CFAP44: variants seen among roughly 807,000 people sequenced by gnomAD.
The protein encoded by CFAP44 is cilia- and flagella-associated protein 44.
Under a neutral mutation model 216.2 loss-of-function variants are expected in CFAP44, and 134 were observed. That is an observed-to-expected ratio of 0.62 (90% CI 0.54 to 0.72). The LOEUF (loss-of-function observed/expected upper bound fraction) is 0.72, where lower values mean the gene tolerates loss of function less well. Ranked by LOEUF, CFAP44 falls within the 30% of genes least tolerant of loss-of-function variation. The pLI, the probability that CFAP44 is intolerant of heterozygous loss-of-function variation, is 0.00. For missense variants in CFAP44, 2,035 were observed against 2,182.1 expected (o/e 0.93, Z 1.34); for synonymous variants, 700 against 727.6 (o/e 0.96, Z 0.61).
intron 8 of CFAP44, among the ~76,000 whole-genome samples, chr3:113,405,595 C>A (rs1934255167): frequency 6.6e-6 from 1 of 152,212 alleles, no homozygotes; most frequent in Non-Finnish European, 1.5e-5. Context: ...AGTCATACTT[C>A]TCCACTGAAA....
At chr3:113,316,036 A>G (rs1349467540) in intron 28 of CFAP44, among the ~76,000 whole-genome samples, 1 of 152,250 alleles carries the variant, frequency 6.6e-6, no homozygotes, top group Non-Finnish European at 1.5e-5. Flanking sequence ...AAGATAGATC[A>G]TATGTTAGAC....
At chr3:113,427,972 T>C (rs147658672) in intron 2 of CFAP44, among the ~76,000 whole-genome samples, 142 of 152,256 alleles carry the variant, frequency 9.3e-4, no homozygotes, top group Non-Finnish European at 1.6e-3. Flanking sequence ...AGCTACATAG[T>C]AGATCTGAGA....
intron 4 of CFAP44, among the ~76,000 whole-genome samples, chr3:113,420,603 T>C (rs553899408): frequency 2.6e-5 from 4 of 152,330 alleles, no homozygotes; most frequent in Non-Finnish European, 5.9e-5. Context: ...CTGTATAACA[T>C]GGGAGAAAGT....
chr3:113,347,233 G>A lies in CFAP44; in HGVS notation c.3066-2521C>T, dbSNP rs942049177. 3.3e-5 allele frequency among the ~76,000 whole-genome samples: 5 copies of A among 152,208 alleles called. No homozygotes were observed. The South Asian group carries it at 6.2e-4, about 19-fold the overall frequency. ...AACCCCCGACTCTGGAGTTGGGAGC[G>A]TTGGTTTGCCTGGAAACAGCTTCCG... On this transcript the variant is annotated intron_variant, in intron 22 of 34. Transcript: ENST00000393845.
intron 14 of CFAP44, among the ~76,000 whole-genome samples, chr3:113,396,248 A>T (rs541783280): frequency 8.5e-5 from 13 of 152,250 alleles, no homozygotes; most frequent in Non-Finnish European, 1.3e-4. Context: ...CATGGTCCCC[A>T]GTTGAAATTT....
At chr3:113,404,513 C>T (rs1559937613) in intron 8 of CFAP44, among the ~76,000 whole-genome samples, 1 of 152,280 alleles carries the variant, frequency 6.6e-6, no homozygotes, top group East Asian at 1.9e-4. Context: ...CAAGTGCATG[C>T]CACCAAACAT....
chr3:113,406,399 C>T (rs9869119), intron 8 of CFAP44, among the ~76,000 whole-genome samples: 26,324 of 152,016 alleles, frequency 0.17, 2,393 homozygotes, highest in African/African-American at 0.22. Flanking sequence ...CCGAGGTGGG[C>T]GGATCACGAG....
intron 2 of CFAP44, among the ~76,000 whole-genome samples, chr3:113,430,445 A>AC (rs71299330): frequency 2.0e-5 from 3 of 147,682 alleles, no homozygotes; most frequent in Non-Finnish European, 4.5e-5. Context: ...AAAAAAAAAA[A>AC]CAAAGTAAAT....
intron 15 of CFAP44, among the ~76,000 whole-genome samples, chr3:113,395,142 A>C (rs969415045): frequency 1.3e-5 from 2 of 152,216 alleles, no homozygotes; most frequent in Non-Finnish European, 2.9e-5. Context: ...ATTCATCAGT[A>C]TTATCATCTT....
intron 33 of CFAP44, among the ~76,000 whole-genome samples, chr3:113,296,436 G>A (rs1949881659): frequency 6.6e-6 from 1 of 152,046 alleles, no homozygotes; most frequent in South Asian, 2.1e-4. Context: ...ATTAATGTAG[G>A]CCTCAAAATG....
At chr3:113,399,857 A>G in intron 13 of CFAP44, 49 bp downstream of exon 13, 1 of 1,286,862 alleles carries the variant, frequency 7.8e-7, no homozygotes, top group South Asian at 1.5e-5. Flanking sequence ...GCATTGATAT[A>G]CCATATTTAC....
chr3:113,376,123 T>C (rs1243999823), intron 17 of CFAP44, among the ~76,000 whole-genome samples: 1 of 152,106 alleles, frequency 6.6e-6, no homozygotes, highest in Non-Finnish European at 1.5e-5. Flanking sequence ...CATATACTGT[T>C]TACAAGAGAC....
At chr3:113,309,183 T>C (rs761243537) in intron 28 of CFAP44, among the ~76,000 whole-genome samples, 16 of 152,210 alleles carry the variant, frequency 1.1e-4, no homozygotes, top group Non-Finnish European at 2.2e-4. Flanking sequence ...TGCAAGTTAA[T>C]TTAGAAAAAA....
At chr3:113,375,978 G>A (rs969903130) in intron 17 of CFAP44, among the ~76,000 whole-genome samples, 2 of 151,994 alleles carry the variant, frequency 1.3e-5, no homozygotes, top group African/African-American at 4.8e-5. Flanking sequence ...AATTTAGAAT[G>A]AGTGCGACAA....
chr3:113,308,091 G>C, intron 29 of CFAP44, 67 bp downstream of exon 29: 9 of 1,248,698 alleles, frequency 7.2e-6, no homozygotes, highest in Non-Finnish European at 9.8e-6. Flanking sequence ...AAACCAAAAA[G>C]GGTCTTCCCA....
intron 24 of CFAP44, among the ~76,000 whole-genome samples, chr3:113,338,053 A>T (rs987120221): frequency 1.9e-4 from 29 of 152,016 alleles, no homozygotes; most frequent in African/African-American, 6.5e-4. Flanking sequence ...ACTTGAGGTC[A>T]GGGGTTCCAA....
intron 28 of CFAP44, among the ~76,000 whole-genome samples, chr3:113,318,967 C>CA (rs200623858): frequency 0.011 from 1,508 of 141,894 alleles, 20 homozygotes; most frequent in African/African-American, 0.025. Flanking sequence ...CAAAAAAAAA[C>CA]AAAAAAAAAA....
intron 22 of CFAP44, among the ~76,000 whole-genome samples, chr3:113,351,914 T>C (rs751554299): frequency 9.9e-5 from 15 of 152,206 alleles, no homozygotes; most frequent in African/African-American, 2.4e-4. Flanking sequence ...GACTCCTGGA[T>C]TGACCCACTG....
intron 28 of CFAP44, among the ~76,000 whole-genome samples, chr3:113,310,619 G>A (rs1950028673): frequency 6.6e-6 from 1 of 152,214 alleles, no homozygotes; most frequent in African/African-American, 2.4e-5. Flanking sequence ...GAAGATATCT[G>A]ATATGGTTTG....
Sources: allele counts gnomAD v4.1 joint callset (sites outside exome capture counted in the v4.1 genomes callset), GRCh38; gene constraint gnomAD v4.1.1; transcripts MANE v1.5; gene names NCBI Gene and HGNC (gene_info 2026-07-23, HGNC 2026-07-21).